FOXL2NB: variants seen among roughly 807,000 people sequenced by gnomAD.
The protein encoded by FOXL2NB is FOXL2 neighbor.
A neutral mutation model predicts 7.4 loss-of-function variants in FOXL2NB; 10 were observed. The ratio of observed to expected loss-of-function variants is 1.34; its 90% CI spans 0.83 to 2.28. The LOEUF is 2.28. Among genes scored for constraint, FOXL2NB ranks in the 30% most tolerant of loss-of-function variants. The probability of loss-of-function intolerance (pLI) is 0.00; values close to 1 mark genes in which losing one functional copy is unlikely to be tolerated. For synonymous variants in FOXL2NB, 104 were observed against 105.3 expected (o/e 0.99, Z 0.08); for missense variants, 228 against 233.9 (o/e 0.97, Z 0.17).
intron 1 of FOXL2NB, among the ~76,000 whole-genome samples, chr3:138,948,937 C>T (rs545377851): frequency 6.6e-6 from 1 of 152,322 alleles, no homozygotes; most frequent in South Asian, 2.1e-4. Flanking sequence ...TATGGGCGGT[C>T]TCCCACTGCA....
chr3:138,949,402 G>T lies in FOXL2NB; in HGVS notation c.101-118G>T. The T allele has an allele frequency of 9.0e-7, 1 of 1,111,514 alleles. No individual in the cohort carries two copies. Among genetic ancestry groups the T allele is most frequent in the Non-Finnish European group, 1.3e-6 (1 of 770,510 alleles). 68.9% of individuals were successfully genotyped at this position (1,111,514 alleles called of 1,614,324 possible). On this transcript the variant is annotated intron_variant, in intron 1 of 2. Transcript: ENST00000383165. The surrounding 1 kb of genome is among the most constrained non-coding windows in gnomAD (Gnocchi z 4.5). ...TGTGTATGCATGTGCGTGTGTGTGTGTGTGTGTGTGTGTGTAGGGGTTGGG... is the reference window on the plus strand; with the variant it reads ...TGTGTATGCATGTGCGTGTGTGTGTTTGTGTGTGTGTGTGTAGGGGTTGGG...
Position 138,949,533 on chromosome 3 carries a change from G to T in FOXL2NB, c.114G>T (p.Leu38=). 1 of 1,614,086 alleles carries T rather than the reference G, an allele frequency of 6.2e-7. No homozygotes were observed. Among genetic ancestry groups the T allele is most frequent in the Non-Finnish European group, 8.5e-7 (1 of 1,180,012 alleles). ...GTAGAGGAACAGAATCCCCAGCCCTGGTGAAGAAGAGGATGCCTGATGCGT... is the reference window on the plus strand; with the variant it reads ...GTAGAGGAACAGAATCCCCAGCCCTTGTGAAGAAGAGGATGCCTGATGCGT... ...ASSRLSESPA[L]VKKRMPDACT... Residue 38 remains leucine (L), a synonymous_variant, in exon 2 of 3, where the codon CTG becomes CTT. Coordinates refer to ENST00000383165, the MANE Select transcript of FOXL2NB (RefSeq NM_001040061.3). This position sits in a 1 kb window ranked among gnomAD's most constrained non-coding sequence, Gnocchi z 4.5.
Position 138,950,875 on chromosome 3 carries a change from A to C in FOXL2NB, c.*303A>C, listed in dbSNP as rs1224218383. On this transcript the variant is annotated 3_prime_UTR_variant, in exon 3 of 3. Coordinates refer to ENST00000383165, the MANE Select transcript of FOXL2NB (RefSeq NM_001040061.3). ...CTTTTCACACGCTGCTCACTTTCGC[A>C]TCTCACGGTGCAGAAGGACCAATGG... 2 of 399,136 alleles carry C rather than the reference A, an allele frequency of 5.0e-6. No homozygotes were observed. The highest frequency in any genetic ancestry group is 3.0e-5 in the South Asian group (1 of 33,094). 24.7% of individuals were successfully genotyped at this position (399,136 alleles called of 1,614,324 possible). A position where few individuals can be genotyped will look rare whatever the true frequency, so the allele number is the denominator to read the frequency against.
Position 138,949,541 on chromosome 3 carries a change from A to G in FOXL2NB, c.122A>G (p.Lys41Arg). Residue 41 changes from lysine to arginine, a missense_variant, in exon 2 of 3, where the codon AAG (lysine) becomes AGG (arginine). Lys to Arg is a conservative substitution (Grantham distance 26). Transcript: ENST00000383165. The surrounding 1 kb of genome is among the most constrained non-coding windows in gnomAD (Gnocchi z 4.5). ...RLSESPALVK[K>R]RMPDACTLGR... The stretch of plus-strand genomic sequence containing the variant: ...ACAGAATCCCCAGCCCTGGTGAAGA[A>G]GAGGATGCCTGATGCGTGCACCCTG... 1 of 1,614,188 alleles carries G rather than the reference A, an allele frequency of 6.2e-7. No homozygotes were observed. Among genetic ancestry groups the G allele is most frequent in the Admixed American group, 1.7e-5 (1 of 60,024 alleles).
chr3:138,950,349 G>T lies in FOXL2NB; in HGVS notation c.305G>T (p.Cys102Phe), dbSNP rs1162732514. ...GCTCTACTAGGGAAGCGTCGCGGCT[G>T]CTCTGAGGCAGGCAGCGCTTCGCTA... ...GPALLGKRRG[C>F]SEAGSASLEP... The change falls in exon 3 of 3, where the codon TGC becomes TTC. Residue 102 changes from cysteine (C) to phenylalanine (F), a missense_variant. Coordinates refer to ENST00000383165, the MANE Select transcript of FOXL2NB (RefSeq NM_001040061.3). The T allele has an allele frequency of 7.4e-6, 12 of 1,611,378 alleles. No homozygotes were observed. The highest frequency in any genetic ancestry group is 8.5e-6 in the Non-Finnish European group (10 of 1,179,632).
At position 138,947,519 on chromosome 3, in the gene FOXL2NB, T is replaced by C; in HGVS notation, c.100+55T>C. 5 of 1,513,332 alleles carry C rather than the reference T, an allele frequency of 3.3e-6. No individual in the cohort carries two copies. Among genetic ancestry groups the C allele is most frequent in the Middle Eastern group, 1.7e-4 (1 of 5,842 alleles). The allele number at this position is 1,513,332 out of a possible 1,614,324, so 93.7% of individuals were successfully genotyped here. A position where few individuals can be genotyped will look rare whatever the true frequency, so the allele number is the denominator to read the frequency against. On this transcript the variant is annotated intron_variant, in intron 1 of 2. Coordinates refer to ENST00000383165, the MANE Select transcript of FOXL2NB (RefSeq NM_001040061.3). The surrounding 1 kb of genome is among the most constrained non-coding windows in gnomAD (Gnocchi z 5.2). ...GTTTGCTGCCGTCTTGAGGCTGAAC[T>C]TCTAGCTCGGGGCTGGGGAGGGGCG...
In FOXL2NB at chr3:138,950,433, C is replaced by A. The variant is rs1936106880; in HGVS notation, c.389C>A (p.Pro130His). 1 of 1,614,042 alleles carries A rather than the reference C, an allele frequency of 6.2e-7. No homozygotes were observed. Among genetic ancestry groups the A allele is most frequent in the Non-Finnish European group, 8.5e-7 (1 of 1,180,024 alleles). ...TGCCTGAACCAGGTTCCGCTGTCCC[C>A]TTTCCTAGCGGGACCCCGAAACACC... Reference protein sequence around the residue: ...AGCLNQVPLSPFLAGPRNTRR... With the variant: ...AGCLNQVPLSHFLAGPRNTRR... The change falls in exon 3 of 3, where the codon CCT becomes CAT. Residue 130 changes from proline (P) to histidine (H), a missense_variant. Pro to His is a moderately conservative substitution (Grantham distance 77). Coordinates refer to ENST00000383165, the MANE Select transcript of FOXL2NB (RefSeq NM_001040061.3).
rs1936066418 is a variant in FOXL2NB at position 138,949,338 on chromosome 3, C to T, written c.101-182C>T. Among the ~76,000 whole-genome samples the T allele has an allele frequency of 6.6e-6, 1 of 151,942 alleles. No individual in the cohort carries two copies. Among genetic ancestry groups the T allele is most frequent in the South Asian group, 2.1e-4 (1 of 4,818 alleles). On this transcript the variant is annotated intron_variant, in intron 1 of 2. Coordinates refer to ENST00000383165, the MANE Select transcript of FOXL2NB (RefSeq NM_001040061.3). This position sits in a 1 kb window ranked among gnomAD's most constrained non-coding sequence, Gnocchi z 4.5. ...GTGTGTGTCATCACTTCCCTGAATT[C>T]CACACTCGGCTCCCTTTTCAGCCTT...
Position 138,950,395 on chromosome 3 carries a change from C to A in FOXL2NB, c.351C>A (p.Arg117=). The change falls in exon 3 of 3, where the codon CGC becomes CGA. Residue 117 remains arginine, a synonymous_variant. Coordinates refer to ENST00000383165, the MANE Select transcript of FOXL2NB (RefSeq NM_001040061.3). ...SASLEPLSSS[R]AAAGCLNQVP... ...CGCTAGAACCACTCAGCTCGTCCCG[C>A]GCCGCCGCCGGCTGCCTGAACCAGG... The A allele has an allele frequency of 2.5e-6, 4 of 1,613,182 alleles. No homozygotes were observed. The highest frequency in any genetic ancestry group is 3.4e-6 in the Non-Finnish European group (4 of 1,179,956).
rs1936179698 is a variant in FOXL2NB, at chr3:138,953,817, T to A, written c.*3245T>A. Among the ~76,000 whole-genome samples, 1 of 152,204 alleles carries A rather than the reference T, an allele frequency of 6.6e-6. No homozygotes were observed. The highest frequency in any genetic ancestry group is 1.5e-5 in the Non-Finnish European group (1 of 68,034). On this transcript the variant is annotated 3_prime_UTR_variant, in exon 3 of 3. Transcript: ENST00000383165. ...ATAGCATGTATGCCTTTATGTCTAGTTTTTTCTGTGCAACATATTTTTAAT... is the reference window on the plus strand; with the variant it reads ...ATAGCATGTATGCCTTTATGTCTAGATTTTTCTGTGCAACATATTTTTAAT...
At position 138,949,590 on chromosome 3, in the gene FOXL2NB, C is replaced by CAAGATGTGCT. The variant is rs745912128; in HGVS notation, c.180_181insTAAGATGTGC (p.Leu61Ter). 2.3e-4 allele frequency: 374 copies of CAAGATGTGCT among 1,614,158 alleles called. No individual in the cohort carries two copies. The highest frequency in any genetic ancestry group is 3.0e-4 in the Non-Finnish European group (354 of 1,180,032). ...TGGGAAGGGCTGGAATCGGTCTCCC[C>CAAGATGTGCT]AAGATGTGCCTTCACATGGCTGTCC... is the stretch of plus-strand genomic sequence containing the variant. On this transcript the variant is annotated frameshift_variant, in exon 2 of 3. Transcript: ENST00000383165. LOFTEE classifies it low-confidence loss of function (END_TRUNC). The surrounding 1 kb of genome is among the most constrained non-coding windows in gnomAD (Gnocchi z 4.5).
At position 138,949,729 on chromosome 3, in the gene FOXL2NB, A is replaced by T; in HGVS notation, c.220+90A>T. 6.4e-7 allele frequency: 1 copy of T among 1,569,602 alleles called. No homozygotes were observed. Among genetic ancestry groups the T allele is most frequent in the African/African-American group, 1.3e-5 (1 of 74,258 alleles). Reference sequence around the variant, plus strand: ...GGAAAAGCCAGGGGCTTCGGGCTGGAGATAGAGGAATCTAGGGAGAGAACA... The same window carrying T: ...GGAAAAGCCAGGGGCTTCGGGCTGGTGATAGAGGAATCTAGGGAGAGAACA... On this transcript the variant is annotated intron_variant, in intron 2 of 2. Coordinates refer to ENST00000383165, the MANE Select transcript of FOXL2NB (RefSeq NM_001040061.3). The surrounding 1 kb of genome is among the most constrained non-coding windows in gnomAD (Gnocchi z 4.5).
Position 138,950,276 on chromosome 3 carries a change from C to T in FOXL2NB, c.232C>T (p.Leu78=). ...SKAQKTGPGI[L]QQRQKPPAPR... is the part of the protein sequence containing the mutation. Reference sequence around the variant, plus strand: ...GCTTTTCTCCCCAGGGCCGGGAATCCTGCAACAGCGGCAGAAGCCGCCCGC... The same window carrying T: ...GCTTTTCTCCCCAGGGCCGGGAATCTTGCAACAGCGGCAGAAGCCGCCCGC... Residue 78 remains leucine (L), a synonymous_variant, in exon 3 of 3, where the codon CTG becomes TTG. Transcript: ENST00000383165. 1 of 1,604,500 alleles carries T rather than the reference C, an allele frequency of 6.2e-7. No homozygotes were observed. The highest frequency in any genetic ancestry group is 8.5e-7 in the Non-Finnish European group (1 of 1,177,456).
chr3:138,950,043 G>T (rs1223033241), intron 2 of FOXL2NB: 12 of 709,122 alleles, frequency 1.7e-5, no homozygotes, highest in Non-Finnish European at 2.8e-5. Flanking sequence ...CTGCCTCTTT[G>T]CCCCAGTTTT....
rs1202824355 is a variant in FOXL2NB at position 138,949,717 on chromosome 3, G to A, written c.220+78G>A. 1 of 1,595,334 alleles carries A rather than the reference G, an allele frequency of 6.3e-7. No individual in the cohort carries two copies. The highest frequency in any genetic ancestry group is 1.3e-5 in the African/African-American group (1 of 74,762). ...CCAGGCTTCTGCGGAAAAGCCAGGG[G>A]CTTCGGGCTGGAGATAGAGGAATCT... On this transcript the variant is annotated intron_variant, in intron 2 of 2. Coordinates refer to ENST00000383165, the MANE Select transcript of FOXL2NB (RefSeq NM_001040061.3). The surrounding 1 kb of genome is among the most constrained non-coding windows in gnomAD (Gnocchi z 4.5).
In FOXL2NB at chr3:138,953,854, T is replaced by G. The variant is rs1472209913; in HGVS notation, c.*3282T>G. On this transcript the variant is annotated 3_prime_UTR_variant, in exon 3 of 3. Coordinates refer to ENST00000383165, the MANE Select transcript of FOXL2NB (RefSeq NM_001040061.3). ...AACATATTTTTAATATTCACTGGTC[T>G]TGTTGCATGTGTCAGACATTTATTT... Among the ~76,000 whole-genome samples, 1 of 152,248 alleles carries G rather than the reference T, an allele frequency of 6.6e-6. No individual in the cohort carries two copies. Among genetic ancestry groups the G allele is most frequent in the Non-Finnish European group, 1.5e-5 (1 of 68,034 alleles).
rs1936148702 is a variant in FOXL2NB, at chr3:138,952,418, T to A, written c.*1846T>A. 2 of 152,280 alleles carry A rather than the reference T, an allele frequency of 1.3e-5. No homozygotes were observed. Among genetic ancestry groups the A allele is most frequent in the African/African-American group, 4.8e-5 (2 of 41,426 alleles). 9.4% of individuals were successfully genotyped at this position (152,280 alleles called of 1,614,324 possible). ...AGGGCTGAGTTTTGTATTACTGTTC[T>A]ACCTTTGGAGATTTTCCTCATGCCA... On this transcript the variant is annotated 3_prime_UTR_variant, in exon 3 of 3. Coordinates refer to ENST00000383165, the MANE Select transcript of FOXL2NB (RefSeq NM_001040061.3).
chr3:138,952,486 T>C lies in FOXL2NB; in HGVS notation c.*1914T>C, dbSNP rs1936153609. ...GTGTGTGTGTGTATGTGTGTGTGTA[T>C]GTGTGCACTATAACTTTATGAAACA... On this transcript the variant is annotated 3_prime_UTR_variant, in exon 3 of 3. Coordinates refer to ENST00000383165, the MANE Select transcript of FOXL2NB (RefSeq NM_001040061.3). 1 of 151,890 alleles carries C rather than the reference T, an allele frequency of 6.6e-6. No individual in the cohort carries two copies. The highest frequency in any genetic ancestry group is 6.6e-5 in the Admixed American group (1 of 15,194). The allele number at this position is 151,890 out of a possible 1,614,324, so 9.4% of individuals were successfully genotyped here. A position where few individuals can be genotyped will look rare whatever the true frequency, so the allele number is the denominator to read the frequency against.
Position 138,951,373 on chromosome 3 carries a change from C to T in FOXL2NB, c.*801C>T, listed in dbSNP as rs1388604534. On this transcript the variant is annotated 3_prime_UTR_variant, in exon 3 of 3. Coordinates refer to ENST00000383165, the MANE Select transcript of FOXL2NB (RefSeq NM_001040061.3). The stretch of plus-strand genomic sequence containing the variant: ...TCTCACTGAGCTCCCCTCTTTCTCC[C>T]CCAGGAAGGGCTTGAGAGGCAGTAG... 1 of 152,212 alleles carries T rather than the reference C, an allele frequency of 6.6e-6. No individual in the cohort carries two copies. The highest frequency in any genetic ancestry group is 1.5e-5 in the Non-Finnish European group (1 of 68,072). 9.4% of individuals were successfully genotyped at this position (152,212 alleles called of 1,614,324 possible).
Sources: allele counts gnomAD v4.1 joint callset (sites outside exome capture counted in the v4.1 genomes callset), GRCh38; gene constraint gnomAD v4.1.1; non-coding constraint Gnocchi (gnomAD v3.1); transcripts MANE v1.5; gene names NCBI Gene and HGNC (gene_info 2026-07-23, HGNC 2026-07-21).